The following SLC12A8 variants were observed in gnomAD, a reference collection of about 807,000 sequenced individuals.
The protein encoded by SLC12A8 is solute carrier family 12 member 8.
SLC12A8 carries 69 observed loss-of-function variants against 75.6 expected under a neutral mutation model. That is an observed-to-expected ratio of 0.91 (90% CI 0.75 to 1.11). The LOEUF (loss-of-function observed/expected upper bound fraction) is 1.11. Among genes scored for constraint, SLC12A8 ranks in the 50% most tolerant of loss-of-function variants. SLC12A8 has a pLI of 0.00. For synonymous variants in SLC12A8, 365 were observed against 372.8 expected, an observed-to-expected ratio of 0.98 and a Z score of 0.24; for missense variants, 877 against 896.7, an observed-to-expected ratio of 0.98 and a Z score of 0.28.
chr3:125,199,247 T>C (rs751203022), intron 2 of SLC12A8, among the ~76,000 whole-genome samples: 1 of 152,178 alleles, frequency 6.6e-6, no homozygotes, highest in African/African-American at 2.4e-5. Context: ...TACATATATA[T>C]AGAGAAAATG....
Position 125,082,838 on chromosome 3 carries a change from T to A in SLC12A8, c.*1052A>T, listed in dbSNP as rs1472230406. On this transcript the variant is annotated 3_prime_UTR_variant, in exon 14 of 14. Transcript: ENST00000469902. ...AGATTGGAAAGAATCCAAATGCTCA[T>A]CATTGTGGAACTGGCGAAATAAATT... is the stretch of plus-strand genomic sequence containing the variant. The A allele has an allele frequency of 6.6e-6, 1 of 152,188 alleles. No individual in the cohort carries two copies. Among genetic ancestry groups the A allele is most frequent in the Non-Finnish European group, 1.5e-5 (1 of 68,036 alleles). The allele number at this position is 152,188 out of a possible 1,614,324, so 9.4% of individuals were successfully genotyped here.
chr3:125,111,062 C>T (rs1939174779), intron 8 of SLC12A8, among the ~76,000 whole-genome samples: 1 of 152,220 alleles, frequency 6.6e-6, no homozygotes, highest in Non-Finnish European at 1.5e-5. Flanking sequence ...AGGCCATCCC[C>T]TCTTCCCTGA....
intron 2 of SLC12A8, among the ~76,000 whole-genome samples, chr3:125,198,294 C>A (rs1417993836): frequency 6.0e-5 from 8 of 133,024 alleles, no homozygotes; most frequent in African/African-American, 1.9e-4. Flanking sequence ...TCATAAAAGA[C>A]AAAGAAAGGC....
At chr3:125,096,750 G>T (rs2107735084) in intron 10 of SLC12A8, among the ~76,000 whole-genome samples, 1 of 152,202 alleles carries the variant, frequency 6.6e-6, no homozygotes, top group African/African-American at 2.4e-5. Context: ...TGAATGGATG[G>T]CTCTATTACT....
intron 2 of SLC12A8, among the ~76,000 whole-genome samples, chr3:125,199,023 C>T (rs1322508731): frequency 1.3e-5 from 2 of 152,158 alleles, no homozygotes; most frequent in East Asian, 3.9e-4. Flanking sequence ...CGTGATCCAC[C>T]CTCCTTGGCC....
chr3:125,167,650 A>T (rs1222197941), intron 5 of SLC12A8, among the ~76,000 whole-genome samples: 1 of 152,216 alleles, frequency 6.6e-6, no homozygotes, highest in East Asian at 1.9e-4. Flanking sequence ...CAAAGCTGAG[A>T]ACATCTAACA....
chr3:125,193,656 G>A (rs189299151), intron 2 of SLC12A8, among the ~76,000 whole-genome samples: 15 of 152,280 alleles, frequency 9.9e-5, no homozygotes, highest in South Asian at 2.1e-4. Flanking sequence ...GTCAGCTCCC[G>A]TCCACATACA....
intron 5 of SLC12A8, among the ~76,000 whole-genome samples, chr3:125,149,057 G>A (rs1579506470): frequency 6.6e-6 from 1 of 152,310 alleles, no homozygotes; most frequent in African/African-American, 2.4e-5. Flanking sequence ...GGCTGAGGCG[G>A]GCGAGGCTCA....
intron 6 of SLC12A8, among the ~76,000 whole-genome samples, chr3:125,126,647 T>G (rs935497938): frequency 6.6e-6 from 1 of 152,212 alleles, no homozygotes; most frequent in Non-Finnish European, 1.5e-5. Flanking sequence ...CAACAGTTTT[T>G]CTAGGCTTTT....
intron 12 of SLC12A8, among the ~76,000 whole-genome samples, chr3:125,089,875 C>T (rs78175392): frequency 0.029 from 4,347 of 149,652 alleles, 148 homozygotes; most frequent in East Asian, 0.095. Context: ...TCTTTTCTAA[C>T]GTAAGCATTT....
chr3:125,199,310 G>A (rs1292130208), intron 2 of SLC12A8, among the ~76,000 whole-genome samples: 2 of 152,142 alleles, frequency 1.3e-5, no homozygotes, highest in Middle Eastern at 3.2e-3. Flanking sequence ...AATCTGAATC[G>A]ACTGAGTCAA....
chr3:125,189,902 T>C (rs558720140), intron 3 of SLC12A8, among the ~76,000 whole-genome samples: 1 of 152,286 alleles, frequency 6.6e-6, no homozygotes, highest in Non-Finnish European at 1.5e-5. Flanking sequence ...GAGTCCATCC[T>C]AGGCAATCCA....
chr3:125,171,953 T>TAAAAA (rs1165990475), intron 5 of SLC12A8, among the ~76,000 whole-genome samples: 1 of 1,964 alleles, frequency 5.1e-4, no homozygotes, highest in Non-Finnish European at 2.4e-3. Flanking sequence ...AATTAAAAAG[T>TAAAAA]AAAAAAAAAA....
intron 5 of SLC12A8, among the ~76,000 whole-genome samples, chr3:125,153,311 G>A (rs2107772918): frequency 6.6e-6 from 1 of 152,286 alleles, no homozygotes; most frequent in East Asian, 1.9e-4. Flanking sequence ...AATGACCTCT[G>A]CATTTCCTAC....
At chr3:125,154,081 G>A (rs1410425637) in intron 5 of SLC12A8, among the ~76,000 whole-genome samples, 1 of 152,090 alleles carries the variant, frequency 6.6e-6, no homozygotes, top group Non-Finnish European at 1.5e-5. Flanking sequence ...TTTTATTATG[G>A]GGAAACTGAA....
chr3:125,186,802 C>T (rs1934794154), intron 4 of SLC12A8, among the ~76,000 whole-genome samples: 2 of 152,248 alleles, frequency 1.3e-5, no homozygotes, highest in African/African-American at 2.4e-5. Context: ...CTCCCGGGAG[C>T]TCCTGCTCAT....
chr3:125,184,387 A>C (rs1934729970), intron 4 of SLC12A8, among the ~76,000 whole-genome samples: 1 of 152,188 alleles, frequency 6.6e-6, no homozygotes, highest in African/African-American at 2.4e-5. Flanking sequence ...TATTTTGGTA[A>C]ATAAAGTTTT....
At chr3:125,105,639 G>T (rs1200163176) in intron 10 of SLC12A8, among the ~76,000 whole-genome samples, 1 of 152,184 alleles carries the variant, frequency 6.6e-6, no homozygotes, top group African/African-American at 2.4e-5. Context: ...TATTTACTTA[G>T]TCATGATAAC....
chr3:125,092,245 T>C (rs762514011), intron 10 of SLC12A8, 47 bp from the exon 11 acceptor site: 23 of 1,389,042 alleles, frequency 1.7e-5, no homozygotes, highest in Non-Finnish European at 2.1e-5. Context: ...ATCAACTCTC[T>C]ACTGTTTTTT....
Sources: allele counts gnomAD v4.1 joint callset (sites outside exome capture counted in the v4.1 genomes callset), GRCh38; gene constraint gnomAD v4.1.1; transcripts MANE v1.5; gene names NCBI Gene and HGNC (gene_info 2026-07-23, HGNC 2026-07-21).